The following ZNF516 variants were observed in gnomAD, a reference collection of about 807,000 sequenced individuals.
ZNF516 encodes zinc finger protein 516.
Under a neutral mutation model 79.7 loss-of-function variants are expected in ZNF516, and 19 were observed. That is an observed-to-expected ratio of 0.24 (90% CI 0.17 to 0.35). The LOEUF is 0.35. ZNF516 is among the 10% of genes least tolerant of loss of function. ZNF516 has a pLI of 1.00. For synonymous variants in ZNF516, 877 were observed against 739.5 expected, an observed-to-expected ratio of 1.19 and a Z score of -3.02; for missense variants, 1,678 against 1,679.5, an observed-to-expected ratio of 1.00 and a Z score of 0.02.
rs1228582503 is a variant in ZNF516, at chr18:76,459,718, C to T, written c.-158+3310G>A. Among the ~76,000 whole-genome samples, 1 of 152,174 alleles carries T rather than the reference C, an allele frequency of 6.6e-6. No homozygotes were observed. Among genetic ancestry groups the T allele is most frequent in the Non-Finnish European group, 1.5e-5 (1 of 68,032 alleles). On this transcript the variant is annotated intron_variant, in intron 2 of 6. Coordinates refer to ENST00000443185, the MANE Select transcript of ZNF516 (RefSeq NM_014643.4). The surrounding 1 kb of genome is among the most constrained non-coding windows in gnomAD (Gnocchi z 5.0). ...GCAGGAGGTAGAACCGGAAGCCTCA[C>T]GCTACACCAGGCACTGCTCCTGGAG...
Position 76,361,797 on chromosome 18 carries a change from C to A in ZNF516, c.*701G>T, listed in dbSNP as rs961606169. 2.6e-5 allele frequency: 4 copies of A among 152,164 alleles called. No homozygotes were observed. Among genetic ancestry groups the A allele is most frequent in the African/African-American group, 9.7e-5 (4 of 41,438 alleles). 9.4% of individuals were successfully genotyped at this position (152,164 alleles called of 1,614,324 possible). A position where few individuals can be genotyped will look rare whatever the true frequency, so the allele number is the denominator to read the frequency against. On this transcript the variant is annotated 3_prime_UTR_variant, in exon 7 of 7. Transcript: ENST00000443185. Reference sequence around the variant, plus strand: ...ATTCCCACAGACGTGTCTCCTTTGCCAGATTCGCTCAGTTCGAATGGTGGG... The same window carrying A: ...ATTCCCACAGACGTGTCTCCTTTGCAAGATTCGCTCAGTTCGAATGGTGGG...
chr18:76,439,377 C>T (rs920016936), intron 3 of ZNF516, among the ~76,000 whole-genome samples: 5 of 152,176 alleles, frequency 3.3e-5, no homozygotes, highest in African/African-American at 4.8e-5. Context: ...ATGCCTCTGT[C>T]GAGCCATAAA....
chr18:76,495,854 G>C (rs999362665), upstream of ZNF516: 1 of 650,940 alleles, frequency 1.5e-6, no homozygotes, highest in Non-Finnish European at 2.1e-6. Context: ...GCCTCTGGGG[G>C]TGTTCAGATG....
upstream of ZNF516, chr18:76,496,170 G>C: frequency 2.1e-6 from 2 of 971,668 alleles, no homozygotes; most frequent in Middle Eastern, 4.6e-4. Flanking sequence ...GCGCGGGGGC[G>C]GGGGAGGGGC....
At chr18:76,388,684 G>C (rs2075026806) in intron 3 of ZNF516, 1 of 152,184 alleles carries the variant, frequency 6.6e-6, no homozygotes, top group Admixed American at 6.5e-5. Flanking sequence ...ATGCAACAAA[G>C]GCTTGAAACT....
chr18:76,369,791 GTTAC>G (rs2074673256), intron 6 of ZNF516, among the ~76,000 whole-genome samples: 2 of 152,194 alleles, frequency 1.3e-5, no homozygotes, highest in African/African-American at 4.8e-5. Context: ...AAGCCAGAAT[GTTAC>G]TTAGAGAATG....
intron 3 of ZNF516, among the ~76,000 whole-genome samples, chr18:76,435,007 C>T (rs867562340): frequency 1.3e-5 from 2 of 152,252 alleles, no homozygotes; most frequent in South Asian, 4.1e-4. Flanking sequence ...AATGCACACA[C>T]CATTCGGCAT....
intron 4 of ZNF516, 119 bp downstream of exon 4, chr18:76,378,736 G>T: frequency 7.1e-7 from 1 of 1,410,488 alleles, no homozygotes; most frequent in Non-Finnish European, 9.4e-7. Context: ...CAGTGGGATG[G>T]GGCCGGCTGG....
Position 76,360,018 on chromosome 18 carries a change from T to C in ZNF516, c.*2480A>G, listed in dbSNP as rs1014481774. On this transcript the variant is annotated 3_prime_UTR_variant, in exon 7 of 7. Transcript: ENST00000443185. ...GCGTTCTTGGGGGGGCTCCCCAGTCTGTTTAACTGGGTGAAAACCTTCCTC... is the reference window on the plus strand; with the variant it reads ...GCGTTCTTGGGGGGGCTCCCCAGTCCGTTTAACTGGGTGAAAACCTTCCTC... The C allele has an allele frequency of 1.3e-5, 2 of 152,270 alleles. No individual in the cohort carries two copies. The highest frequency in any genetic ancestry group is 2.9e-5 in the Non-Finnish European group (2 of 68,076). 9.4% of individuals were successfully genotyped at this position (152,270 alleles called of 1,614,324 possible).
chr18:76,491,873 G>C (rs1006194548), intron 1 of ZNF516, among the ~76,000 whole-genome samples: 4 of 152,158 alleles, frequency 2.6e-5, no homozygotes, highest in Non-Finnish European at 5.9e-5. Flanking sequence ...CGGTTCCGCC[G>C]GCTCCTGAGA....
At chr18:76,369,406 C>A (rs2074666750) in intron 6 of ZNF516, among the ~76,000 whole-genome samples, 3 of 151,758 alleles carry the variant, frequency 2.0e-5, no homozygotes, top group African/African-American at 7.3e-5. Flanking sequence ...GAAATTCCAA[C>A]AAGGCAAAAA....
intron 2 of ZNF516, among the ~76,000 whole-genome samples, chr18:76,462,492 G>A (rs923508613): frequency 2.6e-5 from 4 of 152,176 alleles, no homozygotes; most frequent in African/African-American, 9.7e-5. Context: ...GGTAACAACC[G>A]AAACCTGCCC....
intron 1 of ZNF516, among the ~76,000 whole-genome samples, chr18:76,487,293 G>C (rs1265424868): frequency 6.6e-6 from 1 of 152,190 alleles, no homozygotes; most frequent in Admixed American, 6.5e-5. Flanking sequence ...GCCAGATGCA[G>C]AGCATAAGGA....
chr18:76,374,151 C>T (rs2074750186), intron 4 of ZNF516, among the ~76,000 whole-genome samples: 1 of 152,190 alleles, frequency 6.6e-6, no homozygotes, highest in Admixed American at 6.5e-5. Context: ...AATATGAAGG[C>T]CTCCTTGGTA....
intron 4 of ZNF516, among the ~76,000 whole-genome samples, chr18:76,373,945 A>G (rs1304972365): frequency 3.9e-5 from 6 of 152,398 alleles, no homozygotes; most frequent in African/African-American, 1.4e-4. Flanking sequence ...GTTCTCACCT[A>G]GAAATTCAAG....
chr18:76,396,334 A>C (rs1599177934), intron 3 of ZNF516, among the ~76,000 whole-genome samples: 1 of 152,304 alleles, frequency 6.6e-6, no homozygotes, highest in East Asian at 1.9e-4. Context: ...GATTTCAACC[A>C]TATATGGCGC....
At chr18:76,486,295 CAG>C (rs757551272) in intron 1 of ZNF516, among the ~76,000 whole-genome samples, 1 of 152,172 alleles carries the variant, frequency 6.6e-6, no homozygotes, top group Non-Finnish European at 1.5e-5. Context: ...TGCCCAAACA[CAG>C]TGTCTTGTCA....
At chr18:76,406,028 G>T (rs690423) in intron 3 of ZNF516, among the ~76,000 whole-genome samples, 2 of 151,910 alleles carry the variant, frequency 1.3e-5, no homozygotes, top group African/African-American at 2.4e-5. Context: ...GTGCTCAAGC[G>T]TCCTCAGCAG....
intron 1 of ZNF516, among the ~76,000 whole-genome samples, chr18:76,468,026 A>C (rs1447171134): frequency 3.9e-5 from 6 of 152,184 alleles, no homozygotes; most frequent in Non-Finnish European, 8.8e-5. Context: ...GACTCCCTGC[A>C]GCAGCCAACA....
Sources: allele counts gnomAD v4.1 joint callset (sites outside exome capture counted in the v4.1 genomes callset), GRCh38; gene constraint gnomAD v4.1.1; non-coding constraint Gnocchi (gnomAD v3.1); transcripts MANE v1.5; gene names NCBI Gene and HGNC (gene_info 2026-07-23, HGNC 2026-07-21).